Variants in STN1 observed in about 807,000 individuals in gnomAD.
STN1 encodes STN1 subunit of CST complex.
In STN1, 29 loss-of-function variants were observed where a neutral mutation model predicts 45.5. The observed-to-expected ratio is 0.64, with a 90% confidence interval of 0.47 to 0.87. The LOEUF (loss-of-function observed/expected upper bound fraction) is 0.87. STN1 is among the 40% of genes least tolerant of loss of function. STN1 has a pLI of 0.00. For synonymous variants in STN1, 148 were observed against 159.0 expected (o/e 0.93, Z 0.52); for missense variants, 376 against 441.4 (o/e 0.85, Z 1.33).
At chr10:103,909,406 A>ATATATATGTATATATGTATATATATG (rs1202800637) in intron 3 of STN1, among the ~76,000 whole-genome samples, 8 of 40,502 alleles carry the variant, frequency 2.0e-4, no homozygotes, top group African/African-American at 5.4e-4. Context: ...ATGTATATAT[A>ATATATATGTATATATGTATATATATG]TGTATATATG....
rs1192668902 is a variant in STN1, at chr10:103,898,870, C to T, written c.581+7G>A. The T allele has an allele frequency of 1.9e-6, 3 of 1,613,554 alleles. No homozygotes were observed. Among genetic ancestry groups the T allele is most frequent in the South Asian group, 2.2e-5 (2 of 91,052 alleles). ...CACGTGCTCAGCAGTGATAAGTCAC[C>T]ACTTACCTTAGTGCCTCTTCTTTCT... On this transcript the variant is annotated splice_region_variant and intron_variant, in intron 6 of 9. Coordinates refer to ENST00000224950, the MANE Select transcript of STN1 (RefSeq NM_024928.5).
intron 7 of STN1, among the ~76,000 whole-genome samples, chr10:103,894,061 G>A (rs770436428): frequency 8.5e-5 from 13 of 152,232 alleles, no homozygotes; most frequent in African/African-American, 3.1e-4. Context: ...TTTTATTCAC[G>A]AGGCTTAGGG....
Position 103,881,223 on chromosome 10 carries a change from G to A in STN1, c.*1461C>T, listed in dbSNP as rs1843066756. On this transcript the variant is annotated 3_prime_UTR_variant, in exon 10 of 10. Transcript: ENST00000224950. ...CTTGTGCAACCATCCTTTCACACTT[G>A]TGTAGCCATCTCCTTGAGATAAACC... Among the ~76,000 whole-genome samples the A allele has an allele frequency of 6.6e-6, 1 of 152,118 alleles. No individual in the cohort carries two copies. The highest frequency in any genetic ancestry group is 1.5e-5 in the Non-Finnish European group (1 of 68,042).
rs2134350056 is a variant in STN1, at chr10:103,877,865, A to G, written c.*4819T>C. On this transcript the variant is annotated 3_prime_UTR_variant, in exon 10 of 10. Coordinates refer to ENST00000224950, the MANE Select transcript of STN1 (RefSeq NM_024928.5). ...TCACAGTCTTTCTGAGTTTGCCTGT[A>G]TGCTTCACATAAATGTAGTAAAAAA... 1 of 152,366 alleles carries G rather than the reference A, an allele frequency of 6.6e-6. No homozygotes were observed. The highest frequency in any genetic ancestry group is 1.9e-4 in the East Asian group (1 of 5,192). 9.4% of individuals were successfully genotyped at this position (152,366 alleles called of 1,614,324 possible). A position where few individuals can be genotyped will look rare whatever the true frequency, so the allele number is the denominator to read the frequency against.
At chr10:103,902,527 C>G (rs1387377283) in intron 4 of STN1, among the ~76,000 whole-genome samples, 1 of 152,180 alleles carries the variant, frequency 6.6e-6, no homozygotes, top group Non-Finnish European at 1.5e-5. Flanking sequence ...TGGAGCCTGA[C>G]AGAACTTCAC....
intron 3 of STN1, among the ~76,000 whole-genome samples, chr10:103,908,518 C>T (rs550856578): frequency 1.5e-4 from 23 of 152,308 alleles, no homozygotes; most frequent in African/African-American, 9.6e-5. Flanking sequence ...CAGCAGGGAG[C>T]GGCCACCTGG....
intron 9 of STN1, 84 bp from the exon 10 acceptor site, chr10:103,882,925 A>G: frequency 7.6e-7 from 1 of 1,321,214 alleles, no homozygotes; most frequent in Non-Finnish European, 1.0e-6. Flanking sequence ...TGGCATCTGC[A>G]TTCTGACCAG....
At position 103,917,486 on chromosome 10, in the gene STN1, T is replaced by C. The variant is rs769872828; in HGVS notation, c.109A>G (p.Met37Val). The C allele has an allele frequency of 3.1e-6, 5 of 1,613,846 alleles. No individual in the cohort carries two copies. The highest frequency in any genetic ancestry group is 1.1e-5 in the South Asian group (1 of 91,066). ...CCTGGCACCTGGCGGGACTCCTTCA[T>C]GTCCAGGATATCCCTGATGTAGAGT... ...AKLYIRDILD[M>V]KESRQVPGVF... The change falls in exon 2 of 10, where the codon ATG (methionine) becomes GTG (valine). Residue 37 changes from methionine to valine, a missense_variant. Physicochemically the swap from Met to Val is conservative, Grantham distance 21 (BLOSUM62 1). Coordinates refer to ENST00000224950, the MANE Select transcript of STN1 (RefSeq NM_024928.5).
chr10:103,904,129 T>C (rs1199988761), intron 4 of STN1, among the ~76,000 whole-genome samples: 4 of 152,110 alleles, frequency 2.6e-5, no homozygotes, highest in African/African-American at 9.7e-5. Flanking sequence ...ATAATGCAAG[T>C]AGATAGATAC....
chr10:103,912,820 C>T (rs939171877), intron 2 of STN1, among the ~76,000 whole-genome samples: 2 of 152,194 alleles, frequency 1.3e-5, no homozygotes, highest in Non-Finnish European at 1.5e-5. Flanking sequence ...GGCTGGCCCC[C>T]GCTCCCCTGG....
intron 8 of STN1, 122 bp downstream of exon 8, chr10:103,892,008 C>A: frequency 1.3e-5 from 11 of 833,446 alleles, no homozygotes; most frequent in Non-Finnish European, 1.8e-5. Flanking sequence ...GGCCAACTTT[C>A]ACTTCTGATT....
chr10:103,905,511 A>G (rs1169039953), intron 3 of STN1, among the ~76,000 whole-genome samples: 1 of 152,204 alleles, frequency 6.6e-6, no homozygotes, highest in African/African-American at 2.4e-5. Context: ...AAACTGAATG[A>G]CTGCTCACAT....
At chr10:103,904,411 T>C (rs1843228114) in intron 4 of STN1, among the ~76,000 whole-genome samples, 1 of 151,538 alleles carries the variant, frequency 6.6e-6, no homozygotes, top group South Asian at 2.1e-4. Flanking sequence ...TGTCCAGGAG[T>C]TTGAGACCAG....
intron 3 of STN1, among the ~76,000 whole-genome samples, chr10:103,908,844 T>A (rs972278417): frequency 6.6e-6 from 1 of 152,134 alleles, no homozygotes; most frequent in African/African-American, 2.4e-5. Context: ...ACAGTCTCAT[T>A]TATTTGATCT....
chr10:103,892,467 C>G (rs927998289), intron 7 of STN1, among the ~76,000 whole-genome samples: 2 of 151,608 alleles, frequency 1.3e-5, no homozygotes, highest in Admixed American at 6.6e-5. Context: ...TGTTCCCTAC[C>G]TTAGTTGTGA....
chr10:103,908,164 C>G (rs1430138759), intron 3 of STN1, among the ~76,000 whole-genome samples: 1 of 151,946 alleles, frequency 6.6e-6, no homozygotes, highest in South Asian at 2.1e-4. Flanking sequence ...GAACATTTGT[C>G]CTAGAGAATG....
intron 2 of STN1, among the ~76,000 whole-genome samples, chr10:103,912,080 A>G (rs970433395): frequency 2.6e-5 from 4 of 152,248 alleles, no homozygotes; most frequent in African/African-American, 4.8e-5. Flanking sequence ...CATGAGCTGA[A>G]GATGGCAGGA....
intron 4 of STN1, among the ~76,000 whole-genome samples, chr10:103,902,451 A>G (rs1228932982): frequency 6.6e-6 from 1 of 152,204 alleles, no homozygotes; most frequent in Non-Finnish European, 1.5e-5. Flanking sequence ...CCTTTCACTT[A>G]AAGGGTGAGC....
At position 103,900,211 on chromosome 10, in the gene STN1, G is replaced by T; in HGVS notation, c.308C>A (p.Ala103Glu). The change falls in exon 5 of 10, where the codon GCA becomes GAA. Residue 103 changes from alanine to glutamate, a missense_variant. Ala to Glu is a moderately radical substitution (Grantham distance 107, BLOSUM62 -1). Coordinates refer to ENST00000224950, the MANE Select transcript of STN1 (RefSeq NM_024928.5). ...NTESVSAAPS[A>E]ARELSLTSQL... Reference sequence around the variant, plus strand: ...TGAGGTTAAGCTGAGCTCTCTTGCTGCACTTGGAGCAGCTGTAGTTGTTTA... The same window carrying T: ...TGAGGTTAAGCTGAGCTCTCTTGCTTCACTTGGAGCAGCTGTAGTTGTTTA... 6.2e-7 allele frequency: 1 copy of T among 1,614,008 alleles called. No individual in the cohort carries two copies. Among genetic ancestry groups the T allele is most frequent in the Non-Finnish European group, 8.5e-7 (1 of 1,179,958 alleles).
Sources: gnomAD v4.1 joint callset for allele counts (sites outside exome capture counted in the v4.1 genomes callset) on GRCh38, gnomAD v4.1.1 for gene constraint, MANE v1.5 for transcripts, NCBI Gene and HGNC (gene_info 2026-07-23, HGNC 2026-07-21) for gene names.